Variants in KRTAP19-8 observed in about 807,000 individuals in gnomAD.
KRTAP19-8 encodes the protein keratin-associated protein 19-8.
A neutral mutation model predicts 0.3 loss-of-function variants in KRTAP19-8; 1 was observed. The ratio of observed to expected loss-of-function variants is 3.43; its 90% confidence interval spans 1.22 to 16.29. The LOEUF (loss-of-function observed/expected upper bound fraction) is 16.29, where lower values mean the gene tolerates loss of function less well. KRTAP19-8 is among the 30% of genes most tolerant of loss of function. KRTAP19-8 has a pLI of 0.12. For missense variants in KRTAP19-8, 68 were observed against 77.6 expected, an observed-to-expected ratio of 0.88 and a Z score of 0.46; for synonymous variants, 30 against 32.1, an observed-to-expected ratio of 0.94 and a Z score of 0.22.
Position 31,038,408 on chromosome 21 carries a change from G to T in KRTAP19-8, c.36C>A (p.Gly12=). 1 of 1,613,918 alleles carries T rather than the reference G, an allele frequency of 6.2e-7. No individual in the cohort carries two copies. Among genetic ancestry groups the T allele is most frequent in the Non-Finnish European group, 8.5e-7 (1 of 1,179,854 alleles). ...AGCCACCAAAGCCTCCATAGCCATA[G>T]CCCAGGCCTCCATAATAGCTTCTGT... ...SYYRSYYGGL[G]YGYGGFGGWG... Residue 12 remains glycine, a synonymous_variant, in exon 1 of 1, where the codon GGC becomes GGA. Coordinates refer to ENST00000382822, the MANE Select transcript of KRTAP19-8 (RefSeq NM_001099219.1).
rs2081540893 is a variant in KRTAP19-8 at position 31,038,207 on chromosome 21, A to C, written c.*45T>G. 2 of 1,533,810 alleles carry C rather than the reference A, an allele frequency of 1.3e-6. No individual in the cohort carries two copies. The highest frequency in any genetic ancestry group is 3.6e-5 in the Admixed American group (2 of 55,336). Reference sequence around the variant, plus strand: ...AAAGACCTGAAAGGAGAATTAAGTCAGGATGATAGACAGATTCTAGTGATC... The same window carrying C: ...AAAGACCTGAAAGGAGAATTAAGTCCGGATGATAGACAGATTCTAGTGATC... On this transcript the variant is annotated 3_prime_UTR_variant, in exon 1 of 1. Coordinates refer to ENST00000382822, the MANE Select transcript of KRTAP19-8 (RefSeq NM_001099219.1).
At position 31,038,376 on chromosome 21, in the gene KRTAP19-8, T is replaced by C. The variant is rs201156799; in HGVS notation, c.68A>G (p.Tyr23Cys). ...GCTGCCATAGCCGCAGCCATAGCCA[T>C]AGCCCCAGCCACCAAAGCCTCCATA... Reference protein sequence around the residue: ...YGYGGFGGWGYGYGCGYGSFR... With the variant: ...YGYGGFGGWGCGYGCGYGSFR... Residue 23 changes from tyrosine to cysteine, a missense_variant, in exon 1 of 1, where the codon TAT (tyrosine) becomes TGT (cysteine). Tyr to Cys is a radical substitution (Grantham distance 194). Coordinates refer to ENST00000382822, the MANE Select transcript of KRTAP19-8 (RefSeq NM_001099219.1). 1.1e-5 allele frequency: 18 copies of C among 1,612,004 alleles called. No individual in the cohort carries two copies. Among genetic ancestry groups the C allele is most frequent in the African/African-American group, 4.0e-5 (3 of 74,840 alleles).
chr21:31,038,301 C>T lies in KRTAP19-8; in HGVS notation c.143G>A (p.Cys48Tyr). 1.2e-6 allele frequency: 2 copies of T among 1,613,344 alleles called. No individual in the cohort carries two copies. The highest frequency in any genetic ancestry group is 1.7e-6 in the Non-Finnish European group (2 of 1,179,312). ...GCGYGGYGFSCCRPLYYGGYG... is the reference protein window; with the variant it reads ...GCGYGGYGFSYCRPLYYGGYG... Reference sequence around the variant, plus strand: ...TCCTCCGTAGTATAATGGTCGGCAACAGCTGAATCCATAGCCTCCGTAGCC... The same window carrying T: ...TCCTCCGTAGTATAATGGTCGGCAATAGCTGAATCCATAGCCTCCGTAGCC... Residue 48 changes from cysteine (C) to tyrosine (Y), a missense_variant, in exon 1 of 1, where the codon TGT becomes TAT. Physicochemically the swap from Cys to Tyr is radical, Grantham distance 194 (BLOSUM62 -2). Coordinates refer to ENST00000382822, the MANE Select transcript of KRTAP19-8 (RefSeq NM_001099219.1).
At position 31,038,273 on chromosome 21, in the gene KRTAP19-8, A is replaced by G. The variant is rs146211134; in HGVS notation, c.171T>C (p.Tyr57=). 1.2e-6 allele frequency: 2 copies of G among 1,613,562 alleles called. No individual in the cohort carries two copies. The highest frequency in any genetic ancestry group is 1.7e-6 in the Non-Finnish European group (2 of 1,179,518). ...SCCRPLYYGG[Y]GFSAFY is the part of the protein sequence containing the mutation. ...CTCTTCAGTAGAAGGCAGAGAATCCATATCCTCCGTAGTATAATGGTCGGC... is the reference window on the plus strand; with the variant it reads ...CTCTTCAGTAGAAGGCAGAGAATCCGTATCCTCCGTAGTATAATGGTCGGC... Residue 57 remains tyrosine (Y), a synonymous_variant, in exon 1 of 1, where the codon TAT becomes TAC. Transcript: ENST00000382822.
At position 31,038,269 on chromosome 21, in the gene KRTAP19-8, A is replaced by T. The variant is rs1408966495; in HGVS notation, c.175T>A (p.Phe59Ile). Reference protein sequence around the residue: ...CRPLYYGGYGFSAFY With the variant: ...CRPLYYGGYGISAFY ...TTCACTCTTCAGTAGAAGGCAGAGAATCCATATCCTCCGTAGTATAATGGT... is the reference window on the plus strand; with the variant it reads ...TTCACTCTTCAGTAGAAGGCAGAGATTCCATATCCTCCGTAGTATAATGGT... The change falls in exon 1 of 1, where the codon TTC becomes ATC. Residue 59 changes from phenylalanine (F) to isoleucine (I), a missense_variant. By Grantham distance (21) the Phe-to-Ile change is conservative (BLOSUM62 0). Coordinates refer to ENST00000382822, the MANE Select transcript of KRTAP19-8 (RefSeq NM_001099219.1). 2 of 1,613,484 alleles carry T rather than the reference A, an allele frequency of 1.2e-6. No homozygotes were observed. Among genetic ancestry groups the T allele is most frequent in the Admixed American group, 3.3e-5 (2 of 60,010 alleles).
Position 31,038,373 on chromosome 21 carries a change from C to G in KRTAP19-8, c.71G>C (p.Gly24Ala). 1 of 1,611,748 alleles carries G rather than the reference C, an allele frequency of 6.2e-7. No homozygotes were observed. Among genetic ancestry groups the G allele is most frequent in the Non-Finnish European group, 8.5e-7 (1 of 1,177,842 alleles). The change falls in exon 1 of 1, where the codon GGC (glycine) becomes GCC (alanine). Residue 24 changes from glycine to alanine, a missense_variant. By Grantham distance (60) the Gly-to-Ala change is moderately conservative. Coordinates refer to ENST00000382822, the MANE Select transcript of KRTAP19-8 (RefSeq NM_001099219.1). ...GAAGCTGCCATAGCCGCAGCCATAG[C>G]CATAGCCCCAGCCACCAAAGCCTCC... ...GYGGFGGWGYGYGCGYGSFRR... is the reference protein window; with the variant it reads ...GYGGFGGWGYAYGCGYGSFRR...
In KRTAP19-8 at chr21:31,038,472, G is replaced by A; in HGVS notation, c.-29C>T. 6.3e-7 allele frequency: 1 copy of A among 1,583,638 alleles called. No individual in the cohort carries two copies. Among genetic ancestry groups the A allele is most frequent in the Non-Finnish European group, 8.6e-7 (1 of 1,163,866 alleles). ...TCAGCAACTGTAGATGTGTTTGGAG[G>A]TCAAGGGCAAGTTTCCTGAGTACAA... On this transcript the variant is annotated 5_prime_UTR_variant, in exon 1 of 1. Transcript: ENST00000382822.
In KRTAP19-8 at chr21:31,038,432, G is replaced by A; in HGVS notation, c.12C>T (p.Tyr4=). ...AGCCCAGGCCTCCATAATAGCTTCT[G>A]TAGTAGCTCATGGTTCAGCAACTGT... The part of the protein sequence containing the change: MSY[Y]RSYYGGLGYG... Residue 4 remains tyrosine (Y), a synonymous_variant, in exon 1 of 1, where the codon TAC becomes TAT. Coordinates refer to ENST00000382822, the MANE Select transcript of KRTAP19-8 (RefSeq NM_001099219.1). The A allele has an allele frequency of 6.2e-7, 1 of 1,612,330 alleles. No homozygotes were observed. The highest frequency in any genetic ancestry group is 1.7e-4 in the Middle Eastern group (1 of 6,054).
chr21:31,038,286 T>C lies in KRTAP19-8; in HGVS notation c.158A>G (p.Tyr53Cys), dbSNP rs568545553. The part of the protein sequence containing the change: ...GYGFSCCRPL[Y>C]YGGYGFSAFY The stretch of plus-strand genomic sequence containing the variant: ...GGCAGAGAATCCATATCCTCCGTAG[T>C]ATAATGGTCGGCAACAGCTGAATCC... The change falls in exon 1 of 1, where the codon TAC (tyrosine) becomes TGC (cysteine). Residue 53 changes from tyrosine (Y) to cysteine (C), a missense_variant. Transcript: ENST00000382822. The C allele has an allele frequency of 3.1e-6, 5 of 1,613,622 alleles. No individual in the cohort carries two copies. The East Asian group carries it at 6.7e-5, about 22-fold the overall frequency.
At position 31,038,447 on chromosome 21, in the gene KRTAP19-8, T is replaced by C; in HGVS notation, c.-4A>G. The C allele has an allele frequency of 6.2e-7, 1 of 1,609,718 alleles. No individual in the cohort carries two copies. The highest frequency in any genetic ancestry group is 8.5e-7 in the Non-Finnish European group (1 of 1,177,890). On this transcript the variant is annotated 5_prime_UTR_variant, in exon 1 of 1. Transcript: ENST00000382822. ...AATAGCTTCTGTAGTAGCTCATGGTTCAGCAACTGTAGATGTGTTTGGAGG... is the reference window on the plus strand; with the variant it reads ...AATAGCTTCTGTAGTAGCTCATGGTCCAGCAACTGTAGATGTGTTTGGAGG...
rs1272461555 is a variant in KRTAP19-8, at chr21:31,038,232, C to T, written c.*20G>A. Reference sequence around the variant, plus strand: ...AGGATGATAGACAGATTCTAGTGATCCAAAGAATGAGTTCACTCTTCAGTA... The same window carrying T: ...AGGATGATAGACAGATTCTAGTGATTCAAAGAATGAGTTCACTCTTCAGTA... On this transcript the variant is annotated 3_prime_UTR_variant, in exon 1 of 1. Transcript: ENST00000382822. 6.2e-7 allele frequency: 1 copy of T among 1,602,950 alleles called. No homozygotes were observed. The highest frequency in any genetic ancestry group is 1.1e-5 in the South Asian group (1 of 90,722).
At position 31,038,236 on chromosome 21, in the gene KRTAP19-8, A is replaced by C; in HGVS notation, c.*16T>G. 6.2e-7 allele frequency: 1 copy of C among 1,604,578 alleles called. No homozygotes were observed. Among genetic ancestry groups the C allele is most frequent in the African/African-American group, 1.3e-5 (1 of 74,622 alleles). ...TGATAGACAGATTCTAGTGATCCAAAGAATGAGTTCACTCTTCAGTAGAAG... is the reference window on the plus strand; with the variant it reads ...TGATAGACAGATTCTAGTGATCCAACGAATGAGTTCACTCTTCAGTAGAAG... On this transcript the variant is annotated 3_prime_UTR_variant, in exon 1 of 1. Transcript: ENST00000382822.
chr21:31,038,260 A>G lies in KRTAP19-8; in HGVS notation c.184T>C (p.Phe62Leu), dbSNP rs1185971916. Reference sequence around the variant, plus strand: ...AAGAATGAGTTCACTCTTCAGTAGAAGGCAGAGAATCCATATCCTCCGTAG... The same window carrying G: ...AAGAATGAGTTCACTCTTCAGTAGAGGGCAGAGAATCCATATCCTCCGTAG... The part of the protein sequence containing the change: ...LYYGGYGFSA[F>L]Y The change falls in exon 1 of 1, where the codon TTC (phenylalanine) becomes CTC (leucine). Residue 62 changes from phenylalanine to leucine, a missense_variant. By Grantham distance (22) the Phe-to-Leu change is conservative. Transcript: ENST00000382822. 6.2e-7 allele frequency: 1 copy of G among 1,612,838 alleles called. No individual in the cohort carries two copies. Among genetic ancestry groups the G allele is most frequent in the Non-Finnish European group, 8.5e-7 (1 of 1,178,956 alleles).
Position 31,038,219 on chromosome 21 carries a change from A to G in KRTAP19-8, c.*33T>C. ...GGAGAATTAAGTCAGGATGATAGAC[A>G]GATTCTAGTGATCCAAAGAATGAGT... On this transcript the variant is annotated 3_prime_UTR_variant, in exon 1 of 1. Coordinates refer to ENST00000382822, the MANE Select transcript of KRTAP19-8 (RefSeq NM_001099219.1). 1.3e-6 allele frequency: 2 copies of G among 1,579,556 alleles called. No homozygotes were observed. The highest frequency in any genetic ancestry group is 1.7e-6 in the Non-Finnish European group (2 of 1,151,406).
At chr21:31,038,378 GC>G in the KRTAP19-8 span, 1 of 1,611,860 alleles carries the variant, frequency 6.2e-7, no homozygotes, top group Admixed American at 1.7e-5. Flanking sequence ...CATAGCCATA[GC>G]CCCAGCCACC....
chr21:31,038,222 T>G lies in KRTAP19-8; in HGVS notation c.*30A>C. On this transcript the variant is annotated 3_prime_UTR_variant, in exon 1 of 1. Coordinates refer to ENST00000382822, the MANE Select transcript of KRTAP19-8 (RefSeq NM_001099219.1). ...GAATTAAGTCAGGATGATAGACAGA[T>G]TCTAGTGATCCAAAGAATGAGTTCA... The G allele has an allele frequency of 2.5e-6, 4 of 1,587,392 alleles. No homozygotes were observed. Among genetic ancestry groups the G allele is most frequent in the Non-Finnish European group, 3.5e-6 (4 of 1,157,598 alleles).
At position 31,038,460 on chromosome 21, in the gene KRTAP19-8, AT is replaced by A. The variant is rs908352203; in HGVS notation, c.-18del. ...GTAGCTCATGGTTCAGCAACTGTAGATGTGTTTGGAGGTCAAGGGCAAGTTT... is the reference window on the plus strand; with the variant it reads ...GTAGCTCATGGTTCAGCAACTGTAGAGTGTTTGGAGGTCAAGGGCAAGTTT... On this transcript the variant is annotated 5_prime_UTR_variant, in exon 1 of 1. Coordinates refer to ENST00000382822, the MANE Select transcript of KRTAP19-8 (RefSeq NM_001099219.1). 4 of 1,601,318 alleles carry A rather than the reference AT, an allele frequency of 2.5e-6. No individual in the cohort carries two copies. Among genetic ancestry groups the A allele is most frequent in the Non-Finnish European group, 3.4e-6 (4 of 1,173,046 alleles).
rs753702160 is a variant in KRTAP19-8 at position 31,038,358 on chromosome 21, T to C, written c.86A>G (p.Tyr29Cys). 8.7e-6 allele frequency: 14 copies of C among 1,608,886 alleles called. No homozygotes were observed. Among genetic ancestry groups the C allele is most frequent in the African/African-American group, 2.7e-5 (2 of 74,754 alleles). Reference protein sequence around the residue: ...GGWGYGYGCGYGSFRRLGYGC... With the variant: ...GGWGYGYGCGCGSFRRLGYGC... ...ATAGCCCAACCTGCGGAAGCTGCCA[T>C]AGCCGCAGCCATAGCCATAGCCCCA... The change falls in exon 1 of 1, where the codon TAT becomes TGT. Residue 29 changes from tyrosine (Y) to cysteine (C), a missense_variant. Tyr to Cys is a radical substitution (Grantham distance 194, BLOSUM62 -2). Coordinates refer to ENST00000382822, the MANE Select transcript of KRTAP19-8 (RefSeq NM_001099219.1).
chr21:31,038,399 A>C, the KRTAP19-8 span: 3 of 1,613,816 alleles, frequency 1.9e-6, no homozygotes, highest in Admixed American at 3.3e-5. Context: ...CAAAGCCTCC[A>C]TAGCCATAGC....
Sources: allele counts gnomAD v4.1 joint callset, GRCh38; gene constraint gnomAD v4.1.1; transcripts MANE v1.5; gene names NCBI Gene and HGNC (gene_info 2026-07-23, HGNC 2026-07-21).